The following PHF20 variants were observed in gnomAD, a reference collection of about 807,000 sequenced individuals.
PHF20 encodes glioma-expressed antigen 2.
A neutral mutation model predicts 113.5 loss-of-function variants in PHF20; 23 were observed. That is an observed-to-expected ratio of 0.20 (90% CI 0.15 to 0.29). The LOEUF (loss-of-function observed/expected upper bound fraction) is 0.29, where lower values mean the gene tolerates loss of function less well. PHF20 is among the 10% of genes least tolerant of loss of function. PHF20 has a pLI of 1.00. For synonymous variants in PHF20, 434 were observed against 457.3 expected (o/e 0.95, Z 0.65); for missense variants, 943 against 1,219.6 (o/e 0.77, Z 3.38).
intron 4 of PHF20, among the ~76,000 whole-genome samples, chr20:35,848,621 G>A (rs1407424041): frequency 1.3e-5 from 2 of 151,994 alleles, no homozygotes; most frequent in African/African-American, 2.4e-5. Flanking sequence ...CAGTTTGGGA[G>A]GCTCTCGTGG....
chr20:35,863,033 G>T lies in PHF20; in HGVS notation c.441G>T (p.Arg147Ser), dbSNP rs1465523906. 3.1e-6 allele frequency: 5 copies of T among 1,589,582 alleles called. No individual in the cohort carries two copies. The highest frequency in any genetic ancestry group is 4.3e-6 in the Non-Finnish European group (5 of 1,173,072). The change falls in exon 6 of 18, where the codon AGG (arginine) becomes AGT (serine). Residue 147 changes from arginine (R) to serine (S), a missense_variant. By Grantham distance (110) the Arg-to-Ser change is moderately radical. Coordinates refer to ENST00000374012, the MANE Select transcript of PHF20 (RefSeq NM_016436.5). Reference protein sequence around the residue: ...SKDQNIVGNARPKETDHKSLS... With the variant: ...SKDQNIVGNASPKETDHKSLS... ...TTTAGAATATTGTGGGTAATGCTAG[G>T]CCTAAAGAAACAGATCACAAAAGTC... is the stretch of plus-strand genomic sequence containing the variant.
At chr20:35,893,979 C>G (rs2054928506) in intron 9 of PHF20, among the ~76,000 whole-genome samples, 1 of 152,168 alleles carries the variant, frequency 6.6e-6, no homozygotes, top group African/African-American at 2.4e-5. Flanking sequence ...GTGGAACAAG[C>G]TTGGTACTAT....
intron 10 of PHF20, among the ~76,000 whole-genome samples, chr20:35,901,297 C>A (rs1285290454): frequency 6.6e-6 from 1 of 151,722 alleles, no homozygotes; most frequent in East Asian, 1.9e-4. Flanking sequence ...TGCCTGTAAT[C>A]CCAGCCACTC....
At chr20:35,825,854 TTTTAA>T (rs775737911) in intron 2 of PHF20, among the ~76,000 whole-genome samples, 16 of 151,720 alleles carry the variant, frequency 1.1e-4, no homozygotes, top group Non-Finnish European at 1.9e-4. Flanking sequence ...TTTTGTTGAG[TTTTAA>T]TTTATAGTAG....
At chr20:35,937,711 G>T (rs973907291) in intron 15 of PHF20, among the ~76,000 whole-genome samples, 5 of 152,202 alleles carry the variant, frequency 3.3e-5, no homozygotes, top group African/African-American at 1.2e-4. Flanking sequence ...ACAAGAGACA[G>T]CTTCCAGGGC....
At chr20:35,846,883 G>A (rs1244519296) in intron 3 of PHF20, among the ~76,000 whole-genome samples, 1 of 152,204 alleles carries the variant, frequency 6.6e-6, no homozygotes, top group East Asian at 1.9e-4. Flanking sequence ...GGAAGTTCAA[G>A]TGCATGGTAC....
chr20:35,790,638 G>C (rs1328308085), intron 1 of PHF20, among the ~76,000 whole-genome samples: 1 of 152,156 alleles, frequency 6.6e-6, no homozygotes, highest in Admixed American at 6.6e-5. Flanking sequence ...AAGTGGTGGG[G>C]CTGAGGTCCA....
chr20:35,883,289 C>A (rs1417668323), intron 9 of PHF20, among the ~76,000 whole-genome samples: 1 of 152,136 alleles, frequency 6.6e-6, no homozygotes, highest in African/African-American at 2.4e-5. Flanking sequence ...ATTTACCTAG[C>A]CCCTGCTGAA....
intron 9 of PHF20, among the ~76,000 whole-genome samples, chr20:35,888,380 G>C (rs2378412): frequency 0.94 from 143,471 of 152,298 alleles, 67,682 homozygotes; most frequent in East Asian, 1. Flanking sequence ...AAGGGTGACT[G>C]TTGAGATTTT....
intron 1 of PHF20, chr20:35,774,565 TA>T: frequency 6.6e-6 from 1 of 152,388 alleles, no homozygotes; most frequent in East Asian, 1.9e-4. Context: ...TGCTTGGGGA[TA>T]ATGATACCTC....
chr20:35,850,917 G>A (rs541477973), intron 4 of PHF20: 15 of 653,302 alleles, frequency 2.3e-5, no homozygotes, highest in Middle Eastern at 4.7e-4. Context: ...GGGAAACATC[G>A]TGAAGGTGAA....
In PHF20 at chr20:35,863,273, T is replaced by C; in HGVS notation, c.681T>C (p.Asn227=). 2 of 1,614,118 alleles carry C rather than the reference T, an allele frequency of 1.2e-6. No homozygotes were observed. The highest frequency in any genetic ancestry group is 1.7e-6 in the Non-Finnish European group (2 of 1,180,024). The stretch of plus-strand genomic sequence containing the variant: ...AAGACAAGGAAAACATTTCCGAAAA[T>C]GACAGAGAGTATTCTGGAGATGCCC... ...EKEDKENISE[N]DREYSGDAQV... The change falls in exon 6 of 18, where the codon AAT becomes AAC. Residue 227 remains asparagine, a synonymous_variant. Coordinates refer to ENST00000374012, the MANE Select transcript of PHF20 (RefSeq NM_016436.5).
chr20:35,780,811 G>C (rs1453482899), intron 1 of PHF20, among the ~76,000 whole-genome samples: 3 of 148,780 alleles, frequency 2.0e-5, no homozygotes, highest in African/African-American at 7.5e-5. Flanking sequence ...GCCTCCCAAA[G>C]TGCTGGGATT....
intron 9 of PHF20, among the ~76,000 whole-genome samples, chr20:35,881,563 G>GAAAAAAAT (rs2054635595): frequency 6.8e-6 from 1 of 146,072 alleles, no homozygotes; most frequent in African/African-American, 2.5e-5. Context: ...AAAAGAAAAA[G>GAAAAAAAT]AAAAAAATAT....
At chr20:35,848,464 T>A (rs2042661705) in intron 4 of PHF20, among the ~76,000 whole-genome samples, 1 of 152,030 alleles carries the variant, frequency 6.6e-6, no homozygotes, top group South Asian at 2.1e-4. Context: ...GGGGTTTCGC[T>A]ATGTTGGCCA....
chr20:35,798,692 G>A (rs865779814), intron 1 of PHF20, among the ~76,000 whole-genome samples: 7 of 152,166 alleles, frequency 4.6e-5, no homozygotes, highest in African/African-American at 1.7e-4. Flanking sequence ...GACCTCAGGT[G>A]ATCCGGCAGC....
At chr20:35,877,492 T>C (rs6058343) in intron 9 of PHF20, among the ~76,000 whole-genome samples, 63,706 of 150,496 alleles carry the variant, frequency 0.42, 19,096 homozygotes, top group African/African-American at 0.86. Context: ...CTGTGTTGCC[T>C]AGGCTGGAGT....
At chr20:35,818,734 G>C (rs1305812245) in intron 2 of PHF20, among the ~76,000 whole-genome samples, 2 of 151,976 alleles carry the variant, frequency 1.3e-5, no homozygotes, top group Admixed American at 1.3e-4. Flanking sequence ...ACTGAGTCTC[G>C]CTGTGTTGCT....
At chr20:35,831,400 T>A (rs1178282951) in intron 2 of PHF20, among the ~76,000 whole-genome samples, 1 of 152,138 alleles carries the variant, frequency 6.6e-6, no homozygotes, top group African/African-American at 2.4e-5. Flanking sequence ...ACTCCTGGGC[T>A]CAGGGGATCC....
Sources: allele counts gnomAD v4.1 joint callset (sites outside exome capture counted in the v4.1 genomes callset), GRCh38; gene constraint gnomAD v4.1.1; transcripts MANE v1.5; gene names NCBI Gene and HGNC (gene_info 2026-07-23, HGNC 2026-07-21).